GAB1: variants seen among roughly 807,000 people sequenced by gnomAD.
GAB1 encodes the protein GRB2 associated binding protein 1.
Under a neutral mutation model 66.5 loss-of-function variants are expected in GAB1, and 19 were observed. The ratio of observed to expected loss-of-function variants is 0.29; its 90% CI spans 0.20 to 0.42. The LOEUF (loss-of-function observed/expected upper bound fraction) is 0.42. Ranked by LOEUF, GAB1 falls within the 10% of genes least tolerant of loss-of-function variation. The probability of loss-of-function intolerance (pLI) is 1.00; values close to 1 mark genes in which losing one functional copy is unlikely to be tolerated. For missense variants in GAB1, 732 were observed against 858.5 expected, an observed-to-expected ratio of 0.85 and a Z score of 1.84; for synonymous variants, 294 against 301.4, an observed-to-expected ratio of 0.98 and a Z score of 0.25.
At chr4:143,428,734 TTCTC>T (rs1315319386) in intron 2 of GAB1, among the ~76,000 whole-genome samples, 4 of 151,428 alleles carry the variant, frequency 2.6e-5, no homozygotes, top group Non-Finnish European at 5.9e-5. Flanking sequence ...TTTGAAACAT[TTCTC>T]TCTCTCTCCA....
intron 2 of GAB1, chr4:143,425,231 A>AGCC: frequency 1.1e-6 from 1 of 923,234 alleles, no homozygotes; most frequent in Admixed American, 1.7e-5. Flanking sequence ...TTCTGCTGGC[A>AGCC]GCTCATGCCA....
chr4:143,457,511 T>A (rs1420624560), intron 6 of GAB1, among the ~76,000 whole-genome samples: 1 of 152,134 alleles, frequency 6.6e-6, no homozygotes, highest in Non-Finnish European at 1.5e-5. Flanking sequence ...GAGCATGAAT[T>A]TTATGTAACA....
chr4:143,440,236 T>C lies in GAB1; in HGVS notation c.1439T>C (p.Phe480Ser), dbSNP rs78488318. The C allele has an allele frequency of 6.2e-7, 1 of 1,614,060 alleles. No individual in the cohort carries two copies. The highest frequency in any genetic ancestry group is 1.1e-5 in the South Asian group (1 of 91,066). Residue 480 changes from phenylalanine to serine, a missense_variant, in exon 6 of 10, where the codon TTT becomes TCT. Coordinates refer to ENST00000262994, the MANE Select transcript of GAB1 (RefSeq NM_002039.4). ...TATGTGCCAATGACTCCAGGAACAT[T>C]TGATTTTTCCTCATTTGGAATGCAA... ...ANYVPMTPGT[F>S]DFSSFGMQVP...
chr4:143,363,892 A>T (rs1356908227), intron 1 of GAB1, among the ~76,000 whole-genome samples: 1 of 152,160 alleles, frequency 6.6e-6, no homozygotes, highest in Non-Finnish European at 1.5e-5. Context: ...AGAGGCCATC[A>T]TCCCTCGAGA....
intron 6 of GAB1, 36 bp downstream of exon 6, chr4:143,440,418 G>A (rs746882972): frequency 2.9e-5 from 44 of 1,533,486 alleles, no homozygotes; most frequent in Middle Eastern, 1.9e-4. Flanking sequence ...GGCTTGGGGA[G>A]TGCCAAGTTA....
chr4:143,431,025 A>C (rs1733622736), intron 2 of GAB1, among the ~76,000 whole-genome samples: 2 of 152,158 alleles, frequency 1.3e-5, no homozygotes, highest in South Asian at 4.1e-4. Flanking sequence ...GCTTTTATCT[A>C]CCCTTTCAAT....
intron 1 of GAB1, among the ~76,000 whole-genome samples, chr4:143,384,152 T>C (rs1256202168): frequency 3.3e-5 from 5 of 152,210 alleles, no homozygotes; most frequent in African/African-American, 1.2e-4. Context: ...ATAGAAATAA[T>C]TGGCTTAAAA....
In GAB1 at chr4:143,349,251, C is replaced by T. The variant is rs543765404; in HGVS notation, c.72+11991C>T. ...TGATTTTTTTTTCACGCTTAATTCA[C>T]TTTATTTTTCTTGTATAAAAACCCT... is the stretch of plus-strand genomic sequence containing the variant. On this transcript the variant is annotated intron_variant, in intron 1 of 9. Coordinates refer to ENST00000262994, the MANE Select transcript of GAB1 (RefSeq NM_002039.4). 1.4e-4 allele frequency: 104 copies of T among 764,986 alleles called. 2 individuals carry two copies. The South Asian group carries it at 2.3e-3, about 17-fold the overall frequency. The allele number at this position is 764,986 out of a possible 1,614,324, so 47.4% of individuals were successfully genotyped here. A position where few individuals can be genotyped will look rare whatever the true frequency, so the allele number is the denominator to read the frequency against.
chr4:143,467,445 A>C (rs1403626961), intron 9 of GAB1, among the ~76,000 whole-genome samples: 1 of 152,186 alleles, frequency 6.6e-6, no homozygotes, highest in African/African-American at 2.4e-5. Context: ...CTCAGTCACT[A>C]TTCAAATATT....
intron 1 of GAB1, among the ~76,000 whole-genome samples, chr4:143,388,191 G>A (rs1018431147): frequency 1.6e-4 from 25 of 151,948 alleles, no homozygotes; most frequent in African/African-American, 5.8e-4. Flanking sequence ...CTTTCTGTGT[G>A]GGATTATAGT....
chr4:143,427,380 CT>C (rs1733418937), intron 2 of GAB1, among the ~76,000 whole-genome samples: 1 of 152,116 alleles, frequency 6.6e-6, no homozygotes, highest in South Asian at 2.1e-4. Context: ...GGTTGCATGA[CT>C]GTTTGGAGTT....
chr4:143,408,015 T>G (rs1732153000), intron 1 of GAB1, among the ~76,000 whole-genome samples: 1 of 152,114 alleles, frequency 6.6e-6, no homozygotes, highest in Non-Finnish European at 1.5e-5. Flanking sequence ...AAAAATAAAT[T>G]TATTCCTCTA....
chr4:143,467,786 A>C (rs867112744), intron 9 of GAB1, among the ~76,000 whole-genome samples: 30 of 152,140 alleles, frequency 2.0e-4, no homozygotes, highest in African/African-American at 5.3e-4. Context: ...TCTCAGTTTC[A>C]GCATCACCTC....
intron 1 of GAB1, among the ~76,000 whole-genome samples, chr4:143,362,586 A>G (rs1351587138): frequency 6.6e-6 from 1 of 152,122 alleles, no homozygotes; most frequent in Admixed American, 6.5e-5. Context: ...CTAAGGGGTA[A>G]CTCCTGATGT....
chr4:143,467,722 A>G (rs1735866347), intron 9 of GAB1, among the ~76,000 whole-genome samples: 1 of 152,162 alleles, frequency 6.6e-6, no homozygotes, highest in African/African-American at 2.4e-5. Flanking sequence ...AGGAGGTGCT[A>G]CCATCCTAGG....
In GAB1 at chr4:143,373,436, T is replaced by A. The variant is rs549167784; in HGVS notation, c.72+36176T>A. ...AACTGTGAACAGCCTTAATATGTCA[T>A]CCATTTTACATTTCTGCATTTTATC... On this transcript the variant is annotated intron_variant, in intron 1 of 9. Coordinates refer to ENST00000262994, the MANE Select transcript of GAB1 (RefSeq NM_002039.4). Among the ~76,000 whole-genome samples, 4 of 152,354 alleles carry A rather than the reference T, an allele frequency of 2.6e-5. No homozygotes were observed. In the East Asian group the frequency reaches 7.7e-4, roughly 29 times the overall value.
chr4:143,351,372 G>T (rs556787541), intron 1 of GAB1, among the ~76,000 whole-genome samples: 1 of 152,140 alleles, frequency 6.6e-6, no homozygotes, highest in Non-Finnish European at 1.5e-5. Flanking sequence ...CAGCTTCTCC[G>T]GCCATACCCC....
intron 1 of GAB1, among the ~76,000 whole-genome samples, chr4:143,398,818 G>T (rs1371955940): frequency 6.6e-6 from 1 of 152,110 alleles, no homozygotes; most frequent in African/African-American, 2.4e-5. Context: ...CCAGCACTTT[G>T]GGAAGCTGAG....
chr4:143,340,588 GC>G (rs1657681145), intron 1 of GAB1, among the ~76,000 whole-genome samples: 1 of 152,016 alleles, frequency 6.6e-6, no homozygotes, highest in African/African-American at 2.4e-5. Flanking sequence ...TCGGCTCACT[GC>G]AACCTCTGCC....
Sources: allele counts gnomAD v4.1 joint callset (sites outside exome capture counted in the v4.1 genomes callset), GRCh38; gene constraint gnomAD v4.1.1; transcripts MANE v1.5; gene names NCBI Gene and HGNC (gene_info 2026-07-23, HGNC 2026-07-21).